Variants in CALCR observed in about 807,000 individuals in gnomAD.
CALCR encodes calcitonin receptor.
A neutral mutation model predicts 59.5 loss-of-function variants in CALCR; 47 were observed. The ratio of observed to expected loss-of-function variants is 0.79; its 90% CI spans 0.63 to 1.01. The LOEUF (loss-of-function observed/expected upper bound fraction) is 1.01. CALCR is among the 50% of genes least tolerant of loss of function. The pLI, the probability that CALCR is intolerant of heterozygous loss-of-function variation, is 0.00. For missense variants in CALCR, 566 were observed against 597.1 expected (o/e 0.95, Z 0.54); for synonymous variants, 213 against 211.3 (o/e 1.01, Z -0.07).
chr7:93,437,740 A>G (rs1284217431), intron 11 of CALCR, among the ~76,000 whole-genome samples: 6 of 152,194 alleles, frequency 3.9e-5, no homozygotes, highest in Non-Finnish European at 4.4e-5. Context: ...AGATGTTCAT[A>G]ACACAAACAA....
At chr7:93,492,779 T>C (rs1430037140) in intron 2 of CALCR, among the ~76,000 whole-genome samples, 2 of 151,360 alleles carry the variant, frequency 1.3e-5, no homozygotes, top group Non-Finnish European at 3.0e-5. Context: ...AAGATGGTTA[T>C]ATAATTTTTG....
At chr7:93,498,288 A>G (rs1223742452) in intron 2 of CALCR, among the ~76,000 whole-genome samples, 3 of 151,694 alleles carry the variant, frequency 2.0e-5, no homozygotes, top group Admixed American at 2.0e-4. Context: ...TAAGCATTCA[A>G]TGAATGAACA....
chr7:93,537,075 C>T (rs13238122), intron 2 of CALCR, among the ~76,000 whole-genome samples: 55,861 of 150,722 alleles, frequency 0.37, 11,338 homozygotes, highest in Non-Finnish European at 0.47. Flanking sequence ...ACTATTCTTG[C>T]GACTTTTTTG....
In CALCR at chr7:93,545,186, A is replaced by G. The variant is rs533694467; in HGVS notation, c.-27+29103T>C. On this transcript the variant is annotated intron_variant, in intron 2 of 13. Coordinates refer to ENST00000426151, the MANE Select transcript of CALCR (RefSeq NM_001742.4). ...CCTTACACAAATGCTATTCCAGTTG[A>G]TATTATTATCAGGAATAAAGGAACT... Among the ~76,000 whole-genome samples, 13 of 152,226 alleles carry G rather than the reference A, an allele frequency of 8.5e-5. No individual in the cohort carries two copies. In the East Asian group the frequency reaches 2.3e-3, roughly 27 times the overall value.
At chr7:93,496,944 T>C (rs1400253484) in intron 2 of CALCR, among the ~76,000 whole-genome samples, 9 of 151,576 alleles carry the variant, frequency 5.9e-5, no homozygotes, top group African/African-American at 1.9e-4. Flanking sequence ...TATTTGAAAA[T>C]CATTCTTCAT....
At chr7:93,541,856 T>C (rs13244166) in intron 2 of CALCR, among the ~76,000 whole-genome samples, 13,562 of 152,274 alleles carry the variant, frequency 0.089, 689 homozygotes, top group African/African-American at 0.11. Flanking sequence ...CAGTCTGCTA[T>C]AGGGCATTAG....
chr7:93,434,242 T>TG lies in CALCR; in HGVS notation c.1191+10dup. On this transcript the variant is annotated intron_variant, in intron 13 of 13. Transcript: ENST00000426151. ...AAACAAGTGATAGTATTATATGAAATGCATGCTTACCTCATTGTTGCAGAA... is the reference window on the plus strand; with the variant it reads ...AAACAAGTGATAGTATTATATGAAATGGCATGCTTACCTCATTGTTGCAGAA... The TG allele has an allele frequency of 6.3e-7, 1 of 1,597,822 alleles. No homozygotes were observed. The highest frequency in any genetic ancestry group is 8.6e-7 in the Non-Finnish European group (1 of 1,165,352).
At chr7:93,562,622 T>A in intron 2 of CALCR, among the ~76,000 whole-genome samples, 1 of 152,258 alleles carries the variant, frequency 6.6e-6, no homozygotes, top group East Asian at 1.9e-4. Flanking sequence ...TGCCCACTAG[T>A]CATCATTGTG....
rs746254897 is a variant in CALCR, at chr7:93,426,306, C to T, written c.*50G>A. ...AGAATACTTTAAATGCATGGTCTTT[C>T]TCCCAGGAAATGATGGCTCAGTGAT... is the stretch of plus-strand genomic sequence containing the variant. On this transcript the variant is annotated 3_prime_UTR_variant, in exon 14 of 14. Coordinates refer to ENST00000426151, the MANE Select transcript of CALCR (RefSeq NM_001742.4). The T allele has an allele frequency of 1.6e-5, 17 of 1,032,550 alleles. No individual in the cohort carries two copies. Among genetic ancestry groups the T allele is most frequent in the Non-Finnish European group, 2.5e-5 (16 of 652,722 alleles). 64.0% of individuals were successfully genotyped at this position (1,032,550 alleles called of 1,614,324 possible). A position where few individuals can be genotyped will look rare whatever the true frequency, so the allele number is the denominator to read the frequency against.
intron 2 of CALCR, among the ~76,000 whole-genome samples, chr7:93,554,714 G>A (rs1489180831): frequency 6.9e-6 from 1 of 145,900 alleles, no homozygotes; most frequent in Admixed American, 7.0e-5. Context: ...CCCAGGTTAG[G>A]ATAAGTGCAG....
chr7:93,571,371 A>G (rs1421913371), intron 2 of CALCR, among the ~76,000 whole-genome samples: 1 of 152,202 alleles, frequency 6.6e-6, no homozygotes, highest in Admixed American at 6.5e-5. Context: ...GCATATAACA[A>G]TAAAAATTTT....
intron 2 of CALCR, among the ~76,000 whole-genome samples, chr7:93,565,545 C>A (rs982919379): frequency 6.6e-6 from 1 of 152,134 alleles, no homozygotes; most frequent in Admixed American, 6.5e-5. Context: ...CAATTGTTTT[C>A]ATTTTGAATA....
intron 9 of CALCR, among the ~76,000 whole-genome samples, chr7:93,443,085 G>A (rs1228722161): frequency 6.6e-6 from 1 of 152,056 alleles, no homozygotes; most frequent in African/African-American, 2.4e-5. Context: ...ATGTCACACA[G>A]GCTCTACTTG....
rs150335791 is a variant in CALCR, at chr7:93,426,496, C to A, written c.1285G>T (p.Ala429Ser). The stretch of plus-strand genomic sequence containing the variant: ...TCGCCAGCCTCCGCAGCAGCGGCTG[C>A]AGCGCGAGCAGAGCGGTTGGAGGGG... ...RRPSNRSARAAAAAAEAGDIP... is the reference protein window; with the variant it reads ...RRPSNRSARASAAAAEAGDIP... Residue 429 changes from alanine (A) to serine (S), a missense_variant, in exon 14 of 14, where the codon GCA becomes TCA. By Grantham distance (99) the Ala-to-Ser change is moderately conservative. Transcript: ENST00000426151. 595 of 1,613,770 alleles carry A rather than the reference C, an allele frequency of 3.7e-4. 2 individuals carry two copies. The African/African-American group carries it at 6.9e-3, about 19-fold the overall frequency.
chr7:93,476,183 T>C (rs1043737977), intron 5 of CALCR, among the ~76,000 whole-genome samples: 2 of 151,846 alleles, frequency 1.3e-5, no homozygotes, highest in Non-Finnish European at 2.9e-5. Context: ...AAATTGTTTG[T>C]TTGTCTTCAA....
chr7:93,479,772 A>C (rs550418521), intron 3 of CALCR, among the ~76,000 whole-genome samples: 1 of 151,906 alleles, frequency 6.6e-6, no homozygotes, highest in African/African-American at 2.4e-5. Flanking sequence ...ATACCTCTTT[A>C]TCAGCTAGGA....
intron 2 of CALCR, among the ~76,000 whole-genome samples, chr7:93,519,129 T>C (rs909015248): frequency 4.6e-5 from 7 of 152,012 alleles, no homozygotes; most frequent in Non-Finnish European, 1.0e-4. Flanking sequence ...TTTAAACTTA[T>C]AGACCTTAAA....
intron 2 of CALCR, among the ~76,000 whole-genome samples, chr7:93,542,347 C>T (rs1789166459): frequency 6.6e-6 from 1 of 152,128 alleles, no homozygotes; most frequent in Admixed American, 6.5e-5. Context: ...CTAAACATAT[C>T]ACAGCATAGA....
Position 93,488,582 on chromosome 7 carries a change from G to GCAAAA in CALCR, c.-26-1576_-26-1575insTTTTG, listed in dbSNP as rs770479251. ...GGAAAATTTACCAAGCAAATGGAAA[G>GCAAAA]AAAAAAAAAAAAAAAAAAAGCATGG... is the stretch of plus-strand genomic sequence containing the variant. On this transcript the variant is annotated intron_variant, in intron 2 of 13. Transcript: ENST00000426151. 1.4e-3 allele frequency among the ~76,000 whole-genome samples: 108 copies of GCAAAA among 78,040 alleles called. 14 individuals are homozygous for GCAAAA. In the Middle Eastern group the frequency reaches 0.026, roughly 19 times the overall value. The allele number at this position is 78,040 out of a possible 152,430, so 51.2% of individuals were successfully genotyped here.
Sources: gnomAD v4.1 joint callset for allele counts (sites outside exome capture counted in the v4.1 genomes callset) on GRCh38, gnomAD v4.1.1 for gene constraint, MANE v1.5 for transcripts, NCBI Gene and HGNC (gene_info 2026-07-23, HGNC 2026-07-21) for gene names.